BDKRB2: variants seen among roughly 807,000 people sequenced by gnomAD.
BDKRB2 encodes B2 bradykinin receptor.
Under a neutral mutation model 4.0 loss-of-function variants are expected in BDKRB2, and 6 were observed. The observed-to-expected ratio is 1.49, with a 90% CI of 0.81 to 2.93. BDKRB2 has a LOEUF of 2.93. Ranked by LOEUF, BDKRB2 falls within the 30% of genes most tolerant of loss-of-function variation. BDKRB2 has a pLI of 0.00. For missense variants in BDKRB2, 478 were observed against 520.1 expected, an observed-to-expected ratio of 0.92 and a Z score of 0.79; for synonymous variants, 225 against 215.3, an observed-to-expected ratio of 1.05 and a Z score of -0.40.
chr14:96,240,847 G>C lies in BDKRB2; in HGVS notation c.519G>C (p.Trp173Cys). 1 of 1,569,596 alleles carries C rather than the reference G, an allele frequency of 6.4e-7. No individual in the cohort carries two copies. Among genetic ancestry groups the C allele is most frequent in the Non-Finnish European group, 8.6e-7 (1 of 1,159,554 alleles). ...TGGGCCGGATGCGCGGCGTGCGCTG[G>C]GCCAAGCTCTACAGCTTGGTGATCT... ...MSMGRMRGVR[W>C]AKLYSLVIWG... Residue 173 changes from tryptophan to cysteine, a missense_variant, in exon 3 of 3, where the codon TGG becomes TGC. Coordinates refer to ENST00000554311, the MANE Select transcript of BDKRB2 (RefSeq NM_001379692.1).
intron 1 of BDKRB2, among the ~76,000 whole-genome samples, chr14:96,232,151 C>T (rs955769047): frequency 3.3e-5 from 5 of 152,238 alleles, no homozygotes; most frequent in African/African-American, 1.2e-4. Flanking sequence ...GCAGGAAGAA[C>T]AGCTTATGTT....
chr14:96,219,067 G>A (rs1453563692), intron 1 of BDKRB2, among the ~76,000 whole-genome samples: 1 of 151,888 alleles, frequency 6.6e-6, no homozygotes, highest in East Asian at 1.9e-4. Flanking sequence ...GCTTTGGGAG[G>A]CCAAGGCAGG....
At chr14:96,236,984 C>G (rs1252684908) in intron 1 of BDKRB2, 85 bp from the exon 2 acceptor site, 3 of 814,816 alleles carry the variant, frequency 3.7e-6, no homozygotes, top group East Asian at 4.9e-5. Context: ...TCAGCAGTCT[C>G]CATTTCTCCT....
intron 1 of BDKRB2, among the ~76,000 whole-genome samples, chr14:96,230,392 T>C (rs987022362): frequency 6.6e-6 from 1 of 152,140 alleles, no homozygotes; most frequent in Non-Finnish European, 1.5e-5. Flanking sequence ...CATGTAGTTA[T>C]TCTTTTATTT....
intron 1 of BDKRB2, among the ~76,000 whole-genome samples, chr14:96,223,718 C>G (rs1032028048): frequency 2.6e-5 from 4 of 151,872 alleles, no homozygotes; most frequent in African/African-American, 9.7e-5. Flanking sequence ...TATGTAAGGT[C>G]ACTTGTGGAT....
chr14:96,218,745 C>A (rs896872942), intron 1 of BDKRB2, among the ~76,000 whole-genome samples: 3 of 151,890 alleles, frequency 2.0e-5, no homozygotes, highest in African/African-American at 7.3e-5. Flanking sequence ...TGGTGAAACC[C>A]CATCTCTACT....
At chr14:96,221,781 C>A (rs1193829770) in intron 1 of BDKRB2, among the ~76,000 whole-genome samples, 2 of 151,838 alleles carry the variant, frequency 1.3e-5, no homozygotes, top group African/African-American at 2.4e-5. Context: ...AAAGAAGGGG[C>A]CAAGGTCACT....
At chr14:96,220,782 C>G (rs963684575) in intron 1 of BDKRB2, among the ~76,000 whole-genome samples, 12 of 152,002 alleles carry the variant, frequency 7.9e-5, no homozygotes, top group Non-Finnish European at 1.6e-4. Context: ...TCCAGGCATC[C>G]TGGCTCAAAA....
chr14:96,217,566 C>T (rs553612610), intron 1 of BDKRB2, among the ~76,000 whole-genome samples: 4 of 152,356 alleles, frequency 2.6e-5, no homozygotes, highest in Admixed American at 1.3e-4. Context: ...CTGGGCTAGG[C>T]GTCTGGTGGC....
chr14:96,229,152 G>C (rs1342417984), intron 1 of BDKRB2, among the ~76,000 whole-genome samples: 1 of 152,144 alleles, frequency 6.6e-6, no homozygotes, highest in Non-Finnish European at 1.5e-5. Flanking sequence ...CACCTACTAG[G>C]TGTCAGGCAC....
intron 1 of BDKRB2, among the ~76,000 whole-genome samples, chr14:96,216,689 G>GAGGAA (rs1890424961): frequency 1.5e-5 from 2 of 132,516 alleles, no homozygotes; most frequent in Admixed American, 8.0e-5. Context: ...AGGAGGAGGA[G>GAGGAA]GAGGAAGGAG....
intron 1 of BDKRB2, among the ~76,000 whole-genome samples, chr14:96,229,158 G>A (rs1219967135): frequency 6.6e-6 from 1 of 152,122 alleles, no homozygotes; most frequent in African/African-American, 2.4e-5. Context: ...CTAGGTGTCA[G>A]GCACTTGACA....
At chr14:96,235,702 G>C (rs1890915808) in intron 1 of BDKRB2, among the ~76,000 whole-genome samples, 1 of 152,118 alleles carries the variant, frequency 6.6e-6, no homozygotes, top group African/African-American at 2.4e-5. Context: ...TGAATTAGGG[G>C]AGCTGGGCTT....
intron 1 of BDKRB2, among the ~76,000 whole-genome samples, chr14:96,222,085 C>T (rs978696366): frequency 1.3e-5 from 2 of 152,078 alleles, no homozygotes; most frequent in Non-Finnish European, 2.9e-5. Flanking sequence ...TTCCCACAAC[C>T]CCCTCCACGG....
In BDKRB2 at chr14:96,243,603, A is replaced by T. The variant is rs1440214405; in HGVS notation, c.*2099A>T. 1.3e-5 allele frequency: 2 copies of T among 152,360 alleles called. No homozygotes were observed. Among genetic ancestry groups the T allele is most frequent in the African/African-American group, 2.4e-5 (1 of 41,468 alleles). The allele number at this position is 152,360 out of a possible 1,614,324, so 9.4% of individuals were successfully genotyped here. On this transcript the variant is annotated 3_prime_UTR_variant, in exon 3 of 3. Transcript: ENST00000554311. ...ATGAACCTGGAGGGCTAGAACCTGGAGAATGAGAAAAATTTACATGGCAAA... is the reference window on the plus strand; with the variant it reads ...ATGAACCTGGAGGGCTAGAACCTGGTGAATGAGAAAAATTTACATGGCAAA...
In BDKRB2 at chr14:96,241,704, G is replaced by T; in HGVS notation, c.*200G>T. On this transcript the variant is annotated 3_prime_UTR_variant, in exon 3 of 3. Coordinates refer to ENST00000554311, the MANE Select transcript of BDKRB2 (RefSeq NM_001379692.1). Reference sequence around the variant, plus strand: ...GGCTGTGAGGATGGGGTGAACTCACGCACAGCCAAGGACTCCAAAATCACA... The same window carrying T: ...GGCTGTGAGGATGGGGTGAACTCACTCACAGCCAAGGACTCCAAAATCACA... The T allele has an allele frequency of 1.2e-6, 1 of 820,146 alleles. No homozygotes were observed. The highest frequency in any genetic ancestry group is 2.9e-5 in the East Asian group (1 of 34,086). The allele number at this position is 820,146 out of a possible 1,614,324, so 50.8% of individuals were successfully genotyped here. A position where few individuals can be genotyped will look rare whatever the true frequency, so the allele number is the denominator to read the frequency against.
intron 1 of BDKRB2, among the ~76,000 whole-genome samples, chr14:96,228,122 T>C (rs528844505): frequency 6.8e-6 from 1 of 147,362 alleles, no homozygotes; most frequent in Non-Finnish European, 1.5e-5. Flanking sequence ...GGACCCCTTC[T>C]TGGGACTTGC....
In BDKRB2 at chr14:96,240,883, G is replaced by A. The variant is rs142406520; in HGVS notation, c.555G>A (p.Thr185=). 1.7e-4 allele frequency: 276 copies of A among 1,593,214 alleles called. 1 individual carries two copies. The African/African-American group carries it at 3.3e-3, about 19-fold the overall frequency. Residue 185 remains threonine (T), a synonymous_variant, in exon 3 of 3, where the codon ACG becomes ACA. Coordinates refer to ENST00000554311, the MANE Select transcript of BDKRB2 (RefSeq NM_001379692.1). ...ACAGCTTGGTGATCTGGGGGTGTAC[G>A]CTGCTCCTGAGCTCACCCATGCTGG... ...KLYSLVIWGC[T]LLLSSPMLVF...
At chr14:96,206,380 G>A (rs557277393) in intron 1 of BDKRB2, among the ~76,000 whole-genome samples, 1 of 152,150 alleles carries the variant, frequency 6.6e-6, no homozygotes, top group Non-Finnish European at 1.5e-5. Flanking sequence ...CTCAGAGGGG[G>A]AACATGACCT....
Sources: gnomAD v4.1 joint callset for allele counts (sites outside exome capture counted in the v4.1 genomes callset) on GRCh38, gnomAD v4.1.1 for gene constraint, MANE v1.5 for transcripts, NCBI Gene and HGNC (gene_info 2026-07-23, HGNC 2026-07-21) for gene names.